CUEDC1: variants seen among roughly 807,000 people sequenced by gnomAD.
The protein encoded by CUEDC1 is CUE domain containing 1.
A neutral mutation model predicts 43.7 loss-of-function variants in CUEDC1; 30 were observed. That is an observed-to-expected ratio of 0.69 (90% CI 0.51 to 0.93). The LOEUF (loss-of-function observed/expected upper bound fraction) is 0.93. CUEDC1 is among the 40% of genes least tolerant of loss of function. The probability of loss-of-function intolerance (pLI) is 0.00; values close to 1 mark genes in which losing one functional copy is unlikely to be tolerated. For synonymous variants in CUEDC1, 223 were observed against 223.6 expected, an observed-to-expected ratio of 1.00 and a Z score of 0.02; for missense variants, 486 against 549.0, an observed-to-expected ratio of 0.89 and a Z score of 1.15.
intron 1 of CUEDC1, among the ~76,000 whole-genome samples, chr17:57,886,195 G>C (rs2074288967): frequency 6.6e-6 from 1 of 152,208 alleles, no homozygotes; most frequent in Non-Finnish European, 1.5e-5. Flanking sequence ...GAAAAGTGAG[G>C]TATAGACGCT....
chr17:57,866,863 G>C (rs918523585), intron 9 of CUEDC1: 3 of 385,376 alleles, frequency 7.8e-6, no homozygotes. Flanking sequence ...TCCAGTCCTT[G>C]TTTCTGGATG....
rs1310585859 is a variant in CUEDC1 at position 57,862,709 on chromosome 17, AGGGCTCGTGTGCT to A, written c.*567_*579del. 1 of 152,514 alleles carries A rather than the reference AGGGCTCGTGTGCT, an allele frequency of 6.6e-6. No individual in the cohort carries two copies. The highest frequency in any genetic ancestry group is 1.5e-5 in the Non-Finnish European group (1 of 68,318). The allele number at this position is 152,514 out of a possible 1,614,324, so 9.4% of individuals were successfully genotyped here. On this transcript the variant is annotated 3_prime_UTR_variant, in exon 11 of 11. Transcript: ENST00000577830. ...GGGACCTCCCACCCAGGCTGGGTGC[AGGGCTCGTGTGCT>A]GGGCCAGCAGCCCCGGGGGAAGGCT...
intron 1 of CUEDC1, among the ~76,000 whole-genome samples, chr17:57,915,961 A>G (rs2074635609): frequency 6.6e-6 from 1 of 152,218 alleles, no homozygotes; most frequent in African/African-American, 2.4e-5. Flanking sequence ...ACCATAGAAC[A>G]ATCATATGAC....
Position 57,861,814 on chromosome 17 carries a change from T to G in CUEDC1, c.*1475A>C. ...GGCACTCCTCGGAGACCCCCCCCCC[T>G]CCCTCCAGGGCCCCAGGCCTGGCGC... is the stretch of plus-strand genomic sequence containing the variant. On this transcript the variant is annotated 3_prime_UTR_variant, in exon 11 of 11. Coordinates refer to ENST00000577830, the MANE Select transcript of CUEDC1 (RefSeq NM_001271875.2). 1 of 86,706 alleles carries G rather than the reference T, an allele frequency of 1.2e-5. No homozygotes were observed. Among genetic ancestry groups the G allele is most frequent in the South Asian group, 4.2e-4 (1 of 2,362 alleles). 5.4% of individuals were successfully genotyped at this position (86,706 alleles called of 1,614,324 possible).
chr17:57,882,620 G>C (rs1188871700), intron 2 of CUEDC1, among the ~76,000 whole-genome samples: 1 of 152,110 alleles, frequency 6.6e-6, no homozygotes, highest in Non-Finnish European at 1.5e-5. Context: ...TCCACTTATA[G>C]GTAGATTTTC....
intron 1 of CUEDC1, among the ~76,000 whole-genome samples, chr17:57,950,083 C>T (rs1253360567): frequency 6.6e-6 from 1 of 152,232 alleles, no homozygotes; most frequent in Non-Finnish European, 1.5e-5. Flanking sequence ...GGTCCGACCC[C>T]TCTGTGAGTG....
At chr17:57,929,789 A>C (rs1243224332) in intron 1 of CUEDC1, among the ~76,000 whole-genome samples, 2 of 152,126 alleles carry the variant, frequency 1.3e-5, no homozygotes, top group African/African-American at 2.4e-5. Flanking sequence ...AGCGCTTCTC[A>C]GTCTGTCTCT....
chr17:57,880,798 G>A (rs1048593090), intron 2 of CUEDC1, among the ~76,000 whole-genome samples: 1 of 150,546 alleles, frequency 6.6e-6, no homozygotes, highest in Non-Finnish European at 1.5e-5. Context: ...GTAGAGATGG[G>A]GTTTCACCAT....
At chr17:57,897,429 C>T (rs950583296) in intron 1 of CUEDC1, among the ~76,000 whole-genome samples, 6 of 150,578 alleles carry the variant, frequency 4.0e-5, no homozygotes, top group Admixed American at 6.6e-5. Context: ...CCAGCACTTT[C>T]GGAGGCCGAG....
chr17:57,943,277 G>T (rs1413293014), intron 1 of CUEDC1, among the ~76,000 whole-genome samples: 1 of 152,176 alleles, frequency 6.6e-6, no homozygotes, highest in Non-Finnish European at 1.5e-5. Flanking sequence ...CGCCCTAGGA[G>T]ACTGACATGG....
chr17:57,873,601 T>G lies in CUEDC1; in HGVS notation c.581A>C (p.Asp194Ala). 6.3e-7 allele frequency: 1 copy of G among 1,591,136 alleles called. No homozygotes were observed. ...DFLRILPQQL[D>A]SIQGNAGGPK... ...GGCGGCCCCTGTTACCTGTATGCTGTCCAGCTGCTGGGGCAGGATGCGGAG... is the reference window on the plus strand; with the variant it reads ...GGCGGCCCCTGTTACCTGTATGCTGGCCAGCTGCTGGGGCAGGATGCGGAG... Residue 194 changes from aspartate (D) to alanine (A), a missense_variant, in exon 4 of 11, where the codon GAC (aspartate) becomes GCC (alanine). Physicochemically the swap from Asp to Ala is moderately radical, Grantham distance 126 (BLOSUM62 -2). Transcript: ENST00000577830.
At chr17:57,870,991 T>C (rs969653606) in intron 6 of CUEDC1, among the ~76,000 whole-genome samples, 16 of 152,284 alleles carry the variant, frequency 1.1e-4, no homozygotes, top group African/African-American at 3.6e-4. Flanking sequence ...CCATGTGTCA[T>C]TGACTAGCCT....
chr17:57,926,479 G>T (rs1441247865), intron 1 of CUEDC1, among the ~76,000 whole-genome samples: 1 of 151,934 alleles, frequency 6.6e-6, no homozygotes, highest in East Asian at 1.9e-4. Context: ...GAAATGTATG[G>T]GATGGGACTT....
At chr17:57,872,600 A>G (rs1323418535) in intron 5 of CUEDC1, 63 bp downstream of exon 5, 5 of 1,582,370 alleles carry the variant, frequency 3.2e-6, no homozygotes, top group African/African-American at 1.4e-5. Flanking sequence ...CTGAGCCCCA[A>G]GGCTAAAGCC....
chr17:57,917,422 C>T (rs1338287475), intron 1 of CUEDC1, among the ~76,000 whole-genome samples: 1 of 152,222 alleles, frequency 6.6e-6, no homozygotes, highest in African/African-American at 2.4e-5. Flanking sequence ...CAAGGCCATG[C>T]ACCAACACAA....
intron 1 of CUEDC1, among the ~76,000 whole-genome samples, chr17:57,939,492 C>G (rs2074895709): frequency 6.6e-6 from 1 of 151,866 alleles, no homozygotes; most frequent in Admixed American, 6.6e-5. Context: ...GTTGCCCAGG[C>G]TGGTCTCGAA....
chr17:57,885,458 C>CT lies in CUEDC1; in HGVS notation c.106dup (p.Ser36LysfsTer65). The CT allele has an allele frequency of 6.3e-7, 1 of 1,594,682 alleles. No individual in the cohort carries two copies. Among genetic ancestry groups the CT allele is most frequent in the Non-Finnish European group, 8.5e-7 (1 of 1,173,410 alleles). On this transcript the variant is annotated frameshift_variant, in exon 2 of 11. Transcript: ENST00000577830. LOFTEE classifies it high-confidence loss of function. ...GCGGCGCACCTGGCGGGCAGGCCGG[C>CT]TGTTGTTGAGCTCCTGGGGGGCGGC...
At chr17:57,933,128 T>C (rs1028943696) in intron 1 of CUEDC1, among the ~76,000 whole-genome samples, 1 of 152,124 alleles carries the variant, frequency 6.6e-6, no homozygotes, top group Non-Finnish European at 1.5e-5. Context: ...TAGAAACACC[T>C]GGGCAATGTA....
At chr17:57,890,860 G>A (rs2074347719) in intron 1 of CUEDC1, among the ~76,000 whole-genome samples, 1 of 152,240 alleles carries the variant, frequency 6.6e-6, no homozygotes, top group Non-Finnish European at 1.5e-5. Flanking sequence ...AGTCCTGGGT[G>A]CACTTTGTGA....
Sources: gnomAD v4.1 joint callset for allele counts (sites outside exome capture counted in the v4.1 genomes callset) on GRCh38, gnomAD v4.1.1 for gene constraint, MANE v1.5 for transcripts, NCBI Gene and HGNC (gene_info 2026-07-23, HGNC 2026-07-21) for gene names.